IL1A: variants seen among roughly 807,000 people sequenced by gnomAD.
The protein encoded by IL1A is interleukin 1 alpha.
Under a neutral mutation model 22.2 loss-of-function variants are expected in IL1A, and 16 were observed. That is an observed-to-expected ratio of 0.72 (90% CI 0.49 to 1.09). The LOEUF (loss-of-function observed/expected upper bound fraction) is 1.09. Among genes scored for constraint, IL1A ranks in the 50% least tolerant of loss-of-function variants. IL1A has a pLI of 0.00. For missense variants in IL1A, 317 were observed against 321.8 expected, an observed-to-expected ratio of 0.99 and a Z score of 0.11; for synonymous variants, 113 against 118.5, an observed-to-expected ratio of 0.95 and a Z score of 0.30.
chr2:112,783,938 T>C (rs55926957), intron 1 of IL1A, among the ~76,000 whole-genome samples, 160 bp from the exon 2 acceptor site: 3 of 152,404 alleles, frequency 2.0e-5, no homozygotes, highest in Middle Eastern at 3.4e-3. Flanking sequence ...ATTAGTTTGC[T>C]ATGTACCTGT....
intron 3 of IL1A, 28 bp downstream of exon 3, chr2:112,782,688 C>T: frequency 6.6e-7 from 1 of 1,512,842 alleles, no homozygotes; most frequent in East Asian, 2.3e-5. Context: ...GAATAGCAGT[C>T]CCATGAGAAT....
chr2:112,779,243 C>T (rs1681152025), intron 5 of IL1A, among the ~76,000 whole-genome samples: 2 of 152,016 alleles, frequency 1.3e-5, no homozygotes, highest in African/African-American at 4.8e-5. Flanking sequence ...AGTACATCAG[C>T]TAGCTTTGTG....
intron 3 of IL1A, 143 bp from the exon 4 acceptor site, chr2:112,781,969 C>T (rs1054680231): frequency 3.2e-6 from 2 of 617,802 alleles, no homozygotes. Context: ...AGGCTTCCCT[C>T]CCTCTCTCCC....
At chr2:112,780,766 G>A (rs1356822338) in intron 4 of IL1A, among the ~76,000 whole-genome samples, 2 of 152,146 alleles carry the variant, frequency 1.3e-5, no homozygotes, top group South Asian at 2.1e-4. Context: ...GGCCGGGCGC[G>A]GTGGCTCACG....
chr2:112,779,367 T>C (rs547310223), intron 5 of IL1A, 129 bp downstream of exon 5: 1 of 675,318 alleles, frequency 1.5e-6, no homozygotes, highest in East Asian at 2.9e-5. Flanking sequence ...TTCAAGCTAT[T>C]CTGGAAGAAT....
chr2:112,783,843 A>C, intron 1 of IL1A, 65 bp from the exon 2 acceptor site: 2 of 1,390,182 alleles, frequency 1.4e-6, no homozygotes, highest in South Asian at 1.2e-5. Flanking sequence ...CTGTGAGGGG[A>C]GCCCCTCCTC....
Position 112,778,006 on chromosome 2 carries a change from T to G in IL1A, c.596A>C (p.Asp199Ala), listed in dbSNP as rs757413314. The G allele has an allele frequency of 3.7e-6, 6 of 1,614,058 alleles. No homozygotes were observed. Among genetic ancestry groups the G allele is most frequent in the Non-Finnish European group, 5.1e-6 (6 of 1,180,022 alleles). Residue 199 changes from aspartate (D) to alanine (A), a missense_variant, in exon 6 of 7, where the codon GAC becomes GCC. By Grantham distance (126) the Asp-to-Ala change is moderately radical (BLOSUM62 -2). Transcript: ENST00000263339. ...ACTGACCTTCAGCAGCACTGGTTGG[T>G]CTTCATCTTGGGCAGTCACATACAA... is the stretch of plus-strand genomic sequence containing the variant. ...TQLYVTAQDE[D>A]QPVLLKEMPE...
At chr2:112,775,337 A>T in intron 6 of IL1A, 70 bp from the exon 7 acceptor site, 1 of 1,265,502 alleles carries the variant, frequency 7.9e-7, no homozygotes, top group Non-Finnish European at 1.2e-6. Context: ...TCAATCCCTT[A>T]GCATTTGGCC....
intron 5 of IL1A, among the ~76,000 whole-genome samples, chr2:112,778,624 A>G (rs774996626): frequency 8.5e-5 from 13 of 152,240 alleles, no homozygotes; most frequent in Non-Finnish European, 1.8e-4. Context: ...GCTCAAAGAA[A>G]TTACAAGATA....
chr2:112,775,398 C>G, intron 6 of IL1A, 131 bp from the exon 7 acceptor site: 3 of 654,418 alleles, frequency 4.6e-6, no homozygotes, highest in South Asian at 1.9e-5. Flanking sequence ...ATGCTATAGG[C>G]TCTTCATTCA....
At chr2:112,783,978 G>C (rs878984761) in intron 1 of IL1A, among the ~76,000 whole-genome samples, 200 bp from the exon 2 acceptor site, 1 of 152,196 alleles carries the variant, frequency 6.6e-6, no homozygotes, top group Admixed American at 6.5e-5. Flanking sequence ...ACTTCTTTTA[G>C]AATGTTTTAT....
intron 6 of IL1A, among the ~76,000 whole-genome samples, chr2:112,775,683 C>T (rs1681088603): frequency 1.3e-5 from 1 of 77,090 alleles, no homozygotes; most frequent in Admixed American, 1.1e-4. Context: ...CAAATCATAC[C>T]TTTGGAAATC....
chr2:112,781,536 C>G, intron 4 of IL1A, 68 bp downstream of exon 4: 1 of 1,228,196 alleles, frequency 8.1e-7, no homozygotes, highest in Non-Finnish European at 1.2e-6. Flanking sequence ...TTAATTTTCC[C>G]CTAAATTCTA....
chr2:112,779,622 C>G lies in IL1A; in HGVS notation c.364G>C (p.Val122Leu). The change falls in exon 5 of 7, where the codon GTG becomes CTG. Residue 122 changes from valine to leucine, a missense_variant. Coordinates refer to ENST00000263339, the MANE Select transcript of IL1A (RefSeq NM_000575.5). ...ATGATCCTCATAAAGTTGTATTTCA[C>G]ATTGCTCAGGAAGCTAAAAGGTGCT... is the stretch of plus-strand genomic sequence containing the variant. Reference protein sequence around the residue: ...RSAPFSFLSNVKYNFMRIIKY... With the variant: ...RSAPFSFLSNLKYNFMRIIKY... 6.2e-7 allele frequency: 1 copy of G among 1,612,408 alleles called. No individual in the cohort carries two copies. The highest frequency in any genetic ancestry group is 8.5e-7 in the Non-Finnish European group (1 of 1,178,636).
Position 112,775,220 on chromosome 2 carries a change from G to C in IL1A, c.663C>G (p.Leu221=). ...PKTITGSETN[L]LFFWETHGTK... ...TGCCGTGAGTTTCCCAGAAGAAGAGGAGGTTGGTCTCACTACCTGTGATGG... is the reference window on the plus strand; with the variant it reads ...TGCCGTGAGTTTCCCAGAAGAAGAGCAGGTTGGTCTCACTACCTGTGATGG... Residue 221 remains leucine, a synonymous_variant, in exon 7 of 7, where the codon CTC becomes CTG. Transcript: ENST00000263339. The C allele has an allele frequency of 1.2e-6, 2 of 1,614,232 alleles. No individual in the cohort carries two copies. The highest frequency in any genetic ancestry group is 4.5e-5 in the East Asian group (2 of 44,890).
chr2:112,777,300 C>T (rs1364458117), intron 6 of IL1A, among the ~76,000 whole-genome samples: 1 of 152,216 alleles, frequency 6.6e-6, no homozygotes, highest in African/African-American at 2.4e-5. Context: ...ATGAATGAAG[C>T]TACTGCCCTA....
Position 112,775,274 on chromosome 2 carries a change from A to T in IL1A, c.616-7T>A. 6.2e-7 allele frequency: 1 copy of T among 1,604,406 alleles called. No individual in the cohort carries two copies. The highest frequency in any genetic ancestry group is 8.5e-7 in the Non-Finnish European group (1 of 1,171,214). ...TGGGTATCTCAGGCATCTCCTATGA[A>T]GAAAAGAAGAGAATTCTGTTAGAGA... On this transcript the variant is annotated splice_region_variant and splice_polypyrimidine_tract_variant and intron_variant, in intron 6 of 6. Coordinates refer to ENST00000263339, the MANE Select transcript of IL1A (RefSeq NM_000575.5).
Position 112,781,783 on chromosome 2 carries a change from C to G in IL1A, c.140G>C (p.Cys47Ser). 2 of 1,613,808 alleles carry G rather than the reference C, an allele frequency of 1.2e-6. No homozygotes were observed. The highest frequency in any genetic ancestry group is 1.7e-6 in the Non-Finnish European group (2 of 1,179,688). Residue 47 changes from cysteine to serine, a missense_variant, in exon 4 of 7, where the codon TGC becomes TCC. Physicochemically the swap from Cys to Ser is moderately radical, Grantham distance 112. Transcript: ENST00000263339. ...ACTCAGAGACACAGATTGATCCATG[C>G]AGCCTTCATGGAGTGGGCCATAGCT... ...HVSYGPLHEGCMDQSVSLSIS... is the reference protein window; with the variant it reads ...HVSYGPLHEGSMDQSVSLSIS...
Position 112,783,765 on chromosome 2 carries a change from G to C in IL1A, c.6C>G (p.Ala2=). ...GGTCTTCAAACATGTCTGGAACTTT[G>C]GCCATCTTGACTTCTGCAACAGAGA... M[A]KVPDMFEDLK... The change falls in exon 2 of 7, where the codon GCC becomes GCG. Residue 2 remains alanine (A), a synonymous_variant. Transcript: ENST00000263339. 1.9e-6 allele frequency: 3 copies of C among 1,613,914 alleles called. No individual in the cohort carries two copies. Among genetic ancestry groups the C allele is most frequent in the Non-Finnish European group, 2.5e-6 (3 of 1,179,838 alleles).
Sources: allele counts gnomAD v4.1 joint callset (sites outside exome capture counted in the v4.1 genomes callset), GRCh38; gene constraint gnomAD v4.1.1; transcripts MANE v1.5; gene names NCBI Gene and HGNC (gene_info 2026-07-23, HGNC 2026-07-21).